The following GSE1 variants were observed in gnomAD, a reference collection of about 807,000 sequenced individuals.
GSE1 encodes the protein genetic suppressor element 1.
GSE1 carries 32 observed loss-of-function variants against 112.6 expected under a neutral mutation model. The ratio of observed to expected loss-of-function variants is 0.28; its 90% CI spans 0.21 to 0.38. The LOEUF (loss-of-function observed/expected upper bound fraction) is 0.38. GSE1 is among the 10% of genes least tolerant of loss of function. The pLI, the probability that GSE1 is intolerant of heterozygous loss-of-function variation, is 1.00. For synonymous variants in GSE1, 1,115 were observed against 735.6 expected, an observed-to-expected ratio of 1.52 and a Z score of -8.35; for missense variants, 2,348 against 1,699.2, an observed-to-expected ratio of 1.38 and a Z score of -6.71.
At chr16:85,600,400 G>A (rs914623886) in intron 1 of GSE1, among the ~76,000 whole-genome samples, 1 of 151,884 alleles carries the variant, frequency 6.6e-6, no homozygotes, top group African/African-American at 2.4e-5. Flanking sequence ...AGGCCTGATG[G>A]GGAAGGCCAG....
chr16:85,243,154 G>T (rs1055063993), intron 1 of GSE1, among the ~76,000 whole-genome samples: 2 of 152,208 alleles, frequency 1.3e-5, no homozygotes, highest in Non-Finnish European at 2.9e-5. Flanking sequence ...ACACACAAAT[G>T]TATCAGTTTG....
intron 2 of GSE1, among the ~76,000 whole-genome samples, chr16:85,508,915 G>A (rs115100491): frequency 2.0e-5 from 3 of 152,230 alleles, no homozygotes; most frequent in Admixed American, 1.3e-4. Context: ...TATGTGCACT[G>A]GGCAGGCACA....
chr16:85,577,185 AG>A (rs1171407160), intron 1 of GSE1, among the ~76,000 whole-genome samples: 5 of 152,092 alleles, frequency 3.3e-5, no homozygotes, highest in African/African-American at 1.2e-4. Flanking sequence ...CCAGGGGCAG[AG>A]GCAGGTCTTC....
chr16:85,331,351 GTGTGTGTGTGTGTGTATATATGTA>G (rs2046337920), intron 1 of GSE1, among the ~76,000 whole-genome samples: 1 of 118,558 alleles, frequency 8.4e-6, no homozygotes, highest in African/African-American at 3.8e-5. Context: ...GTGTGTGTGT[GTGTGTGTGTGTGTGTATATATGTA>G]TATATATGTA....
intron 1 of GSE1, among the ~76,000 whole-genome samples, chr16:85,286,844 C>T (rs1348486801): frequency 6.6e-6 from 1 of 152,072 alleles, no homozygotes; most frequent in Non-Finnish European, 1.5e-5. Context: ...GGATTAAAAA[C>T]AAAATAGTGA....
At chr16:85,475,787 T>C (rs1359181871) in intron 2 of GSE1, among the ~76,000 whole-genome samples, 147 of 146,948 alleles carry the variant, frequency 1.0e-3, no homozygotes, top group Middle Eastern at 3.5e-3. Context: ...TTTTTTTTTT[T>C]TTTTTTTTTT....
At chr16:85,490,523 A>G (rs2050975987) in intron 2 of GSE1, 1 of 152,266 alleles carries the variant, frequency 6.6e-6, no homozygotes, top group African/African-American at 2.4e-5. Context: ...GGCTGTCACC[A>G]TGGTCCGCCT....
rs1015754276 is a variant in GSE1 at position 85,674,279 on chromosome 16, C to G, written c.*1740C>G. 1.3e-5 allele frequency: 2 copies of G among 152,290 alleles called. No individual in the cohort carries two copies. The highest frequency in any genetic ancestry group is 4.1e-4 in the South Asian group (2 of 4,834). The allele number at this position is 152,290 out of a possible 1,614,324, so 9.4% of individuals were successfully genotyped here. ...GGCATCGTGTCGCTTTATCTGCCCC[C>G]GCACAGTTTGCTTTGTACGTCTGCC... On this transcript the variant is annotated 3_prime_UTR_variant, in exon 16 of 16. Transcript: ENST00000253458.
chr16:85,357,588 A>T (rs1471978132), exon 2 of GSE1: 3 of 1,289,026 alleles, frequency 2.3e-6, no homozygotes, highest in Non-Finnish European at 3.0e-6. Flanking sequence ...AGCTGAGGCC[A>T]GCACAGTGTC....
intron 1 of GSE1, among the ~76,000 whole-genome samples, chr16:85,271,011 G>A (rs1426085915): frequency 6.6e-6 from 1 of 152,188 alleles, no homozygotes; most frequent in Admixed American, 6.5e-5. Context: ...GAGGCAGAGC[G>A]AATGCCATCA....
intron 2 of GSE1, among the ~76,000 whole-genome samples, chr16:85,372,096 C>A (rs74034707): frequency 1.3e-5 from 2 of 152,176 alleles, no homozygotes; most frequent in Non-Finnish European, 2.9e-5. Flanking sequence ...GCTTCTCACC[C>A]TCCCCTTCCT....
chr16:85,553,504 C>T (rs368193339), upstream of GSE1, among the ~76,000 whole-genome samples: 70 of 151,726 alleles, frequency 4.6e-4, no homozygotes, highest in East Asian at 0.011. Flanking sequence ...CCCTCCCCTG[C>T]GCCCGCGTGC....
chr16:85,504,232 G>A (rs1295501369), intron 2 of GSE1, among the ~76,000 whole-genome samples: 1 of 152,218 alleles, frequency 6.6e-6, no homozygotes, highest in Non-Finnish European at 1.5e-5. Flanking sequence ...GTCCCTGAGG[G>A]CCACCCCCAA....
intron 2 of GSE1, among the ~76,000 whole-genome samples, chr16:85,389,363 A>G (rs926128295): frequency 7.2e-5 from 11 of 151,804 alleles, no homozygotes; most frequent in Admixed American, 6.6e-4. Flanking sequence ...GGGAGGCTGA[A>G]GCAGGAGAAT....
intron 1 of GSE1, among the ~76,000 whole-genome samples, chr16:85,217,945 CGCTG>C (rs1431605647): frequency 6.6e-6 from 1 of 151,994 alleles, no homozygotes; most frequent in East Asian, 1.9e-4. Context: ...TCTGTTACGA[CGCTG>C]GAGTGCAGTG....
intron 1 of GSE1, among the ~76,000 whole-genome samples, chr16:85,206,116 G>T (rs1438157605): frequency 1.3e-5 from 2 of 151,942 alleles, no homozygotes; most frequent in Non-Finnish European, 1.5e-5. Flanking sequence ...TCTGCCGGGG[G>T]TGCTGGCTGA....
At chr16:85,599,965 G>C (rs763172823) in intron 1 of GSE1, among the ~76,000 whole-genome samples, 4 of 152,176 alleles carry the variant, frequency 2.6e-5, no homozygotes, top group Non-Finnish European at 5.9e-5. Flanking sequence ...ATGGGAGGGC[G>C]GCAGCTGTCC....
At chr16:85,465,167 G>T (rs2050088895) in intron 2 of GSE1, among the ~76,000 whole-genome samples, 1 of 152,212 alleles carries the variant, frequency 6.6e-6, no homozygotes, top group African/African-American at 2.4e-5. Flanking sequence ...GTGTGGGACG[G>T]CCCCTGGTTC....
chr16:85,519,743 T>TCACCA (rs2052115042), intron 2 of GSE1, among the ~76,000 whole-genome samples: 2 of 76,958 alleles, frequency 2.6e-5, no homozygotes, highest in Admixed American at 1.4e-4. Context: ...ATCACCACCA[T>TCACCA]CAGCATCACC....
Sources: gnomAD v4.1 joint callset for allele counts (sites outside exome capture counted in the v4.1 genomes callset) on GRCh38, gnomAD v4.1.1 for gene constraint, MANE v1.5 for transcripts, NCBI Gene and HGNC (gene_info 2026-07-23, HGNC 2026-07-21) for gene names.